The following ADAMTSL1 variants were observed in gnomAD, a reference collection of about 807,000 sequenced individuals.
ADAMTSL1 encodes ADAMTS-like protein 1.
In ADAMTSL1, 126 loss-of-function variants were observed where a neutral mutation model predicts 201.8. The ratio of observed to expected loss-of-function variants is 0.62; its 90% CI spans 0.54 to 0.72. The LOEUF (loss-of-function observed/expected upper bound fraction) is 0.72. ADAMTSL1 is among the 30% of genes least tolerant of loss of function. The pLI, the probability that ADAMTSL1 is intolerant of heterozygous loss-of-function variation, is 0.00. For missense variants in ADAMTSL1, 2,679 were observed against 2,277.8 expected (o/e 1.18, Z -3.59); for synonymous variants, 1,121 against 903.4 (o/e 1.24, Z -4.32).
At chr9:18,800,073 C>T (rs1428070743) in intron 20 of ADAMTSL1, among the ~76,000 whole-genome samples, 2 of 152,060 alleles carry the variant, frequency 1.3e-5, no homozygotes, top group Admixed American at 1.3e-4. Context: ...TGCTCCCATG[C>T]ACTAGATCAA....
At chr9:18,592,930 A>G (rs1824019597) in intron 4 of ADAMTSL1, among the ~76,000 whole-genome samples, 3 of 151,882 alleles carry the variant, frequency 2.0e-5, no homozygotes. Flanking sequence ...TCATAGAGAT[A>G]TTTCACTTCT....
rs139869437 is a variant in ADAMTSL1, at chr9:18,560,023, G to A, written c.238-14007G>A. On this transcript the variant is annotated intron_variant, in intron 3 of 28. Transcript: ENST00000380548. ...ATTTCTTTCTCTTGCCTGATTGCCC[G>A]GGCCAGAACTTCCAATATTATGTTG... Among the ~76,000 whole-genome samples, 185 of 151,982 alleles carry A rather than the reference G, an allele frequency of 1.2e-3. No individual in the cohort carries two copies. The East Asian group carries it at 0.015, about 12-fold the overall frequency.
At chr9:18,009,646 T>A (rs1414315401) in intron 1 of ADAMTSL1, among the ~76,000 whole-genome samples, 1 of 152,030 alleles carries the variant, frequency 6.6e-6, no homozygotes, top group Non-Finnish European at 1.5e-5. Flanking sequence ...GTTTTCTGGA[T>A]AAGAACAATA....
chr9:17,908,138 C>G (rs780830856), intron 1 of ADAMTSL1, among the ~76,000 whole-genome samples: 7 of 152,146 alleles, frequency 4.6e-5, no homozygotes, highest in Non-Finnish European at 8.8e-5. Flanking sequence ...TTACTCTCAT[C>G]AGTAGTAGAA....
chr9:18,832,089 GC>G (rs1238006449), intron 23 of ADAMTSL1, among the ~76,000 whole-genome samples: 1 of 152,190 alleles, frequency 6.6e-6, no homozygotes, highest in East Asian at 1.9e-4. Context: ...CTGATGACAG[GC>G]AGCTAAACTG....
At chr9:18,633,531 G>C (rs1826911146) in intron 5 of ADAMTSL1, among the ~76,000 whole-genome samples, 1 of 151,910 alleles carries the variant, frequency 6.6e-6, no homozygotes, top group African/African-American at 2.4e-5. Context: ...GGAGGTTGCA[G>C]TGAGTCAAGA....
chr9:18,198,278 A>G (rs1829276407), intron 2 of ADAMTSL1, among the ~76,000 whole-genome samples: 1 of 150,682 alleles, frequency 6.6e-6, no homozygotes, highest in Non-Finnish European at 1.5e-5. Flanking sequence ...TAAACTAAAG[A>G]GCTTCTGCAC....
At chr9:18,128,311 A>G (rs1188030563) in intron 1 of ADAMTSL1, among the ~76,000 whole-genome samples, 3 of 152,190 alleles carry the variant, frequency 2.0e-5, no homozygotes, top group Non-Finnish European at 4.4e-5. Flanking sequence ...AGCACCAATG[A>G]TAGTATTTCT....
rs533619574 is a variant in ADAMTSL1, at chr9:18,844,727, C to T, written c.4249+14750C>T. On this transcript the variant is annotated intron_variant, in intron 23 of 28. Coordinates refer to ENST00000380548, the MANE Select transcript of ADAMTSL1 (RefSeq NM_001040272.6). ...TTCCTGGCTGCTTTGTTTACCTAAG[C>T]AAGCCTGGGCAATGGCGGGCGCCCC... 2.5e-3 allele frequency among the ~76,000 whole-genome samples: 383 copies of T among 152,366 alleles called. 2 individuals carry two copies. Among genetic ancestry groups the T allele is most frequent in the African/African-American group, 8.9e-3 (372 of 41,590 alleles).
At chr9:17,963,515 C>A (rs757757768) in intron 1 of ADAMTSL1, among the ~76,000 whole-genome samples, 1 of 152,150 alleles carries the variant, frequency 6.6e-6, no homozygotes, top group Admixed American at 6.5e-5. Flanking sequence ...AACAGTATTC[C>A]GTATGAAAAA....
chr9:18,877,463 C>T (rs919024459), intron 23 of ADAMTSL1, among the ~76,000 whole-genome samples: 4 of 152,178 alleles, frequency 2.6e-5, no homozygotes, highest in Admixed American at 6.5e-5. Context: ...AGGGATGGGG[C>T]TTTCTGGGAG....
At chr9:18,136,856 C>G (rs1340974129) in intron 1 of ADAMTSL1, among the ~76,000 whole-genome samples, 1 of 152,024 alleles carries the variant, frequency 6.6e-6, no homozygotes, top group Non-Finnish European at 1.5e-5. Context: ...CAAAGGCTGC[C>G]TTTTAAAACA....
intron 1 of ADAMTSL1, among the ~76,000 whole-genome samples, chr9:17,997,683 G>A (rs1220371007): frequency 6.6e-6 from 1 of 151,566 alleles, no homozygotes; most frequent in Non-Finnish European, 1.5e-5. Context: ...TCTGCACGGG[G>A]AAAAAAAAGA....
intron 16 of ADAMTSL1, among the ~76,000 whole-genome samples, chr9:18,755,579 C>T (rs546424627): frequency 2.4e-4 from 37 of 152,262 alleles, no homozygotes; most frequent in Middle Eastern, 6.8e-3. Flanking sequence ...ATGACATTGA[C>T]TCATGATGCT....
chr9:18,908,426 C>T lies in ADAMTSL1; in HGVS notation c.5183-16C>T, dbSNP rs774224801. On this transcript the variant is annotated splice_polypyrimidine_tract_variant and intron_variant, in intron 28 of 28. Coordinates refer to ENST00000380548, the MANE Select transcript of ADAMTSL1 (RefSeq NM_001040272.6). ...TCTTTTCTGTCTCCTCTCCCGACCC[C>T]GTCCTCCTTTCCCAGTGGAGTGCAG... 19 of 1,548,596 alleles carry T rather than the reference C, an allele frequency of 1.2e-5. No homozygotes were observed. The highest frequency in any genetic ancestry group is 2.0e-5 in the Admixed American group (1 of 51,078).
intron 1 of ADAMTSL1, among the ~76,000 whole-genome samples, chr9:18,022,260 C>T (rs1820508610): frequency 6.6e-6 from 1 of 152,146 alleles, no homozygotes; most frequent in Non-Finnish European, 1.5e-5. Context: ...CTCATGTTGA[C>T]CTTAGGGAAG....
At chr9:17,984,150 T>A (rs1425802156) in intron 1 of ADAMTSL1, among the ~76,000 whole-genome samples, 1 of 152,150 alleles carries the variant, frequency 6.6e-6, no homozygotes, top group Non-Finnish European at 1.5e-5. Flanking sequence ...ACTTTAGCAA[T>A]TAGCAGATTC....
Position 18,612,761 on chromosome 9 carries a change from A to G in ADAMTSL1, c.475-9482A>G, listed in dbSNP as rs187874263. Among the ~76,000 whole-genome samples, 406 of 152,308 alleles carry G rather than the reference A, an allele frequency of 2.7e-3. 4 individuals carry two copies. The highest frequency in any genetic ancestry group is 1.7e-3 in the Non-Finnish European group (119 of 68,022). ...ACTTAAGTGTAAAACCTAAAACTAT[A>G]AAAATCCTGGAAGACAATGTAGGCA... On this transcript the variant is annotated intron_variant, in intron 4 of 28. Transcript: ENST00000380548.
rs542676499 is a variant in ADAMTSL1 at position 18,418,199 on chromosome 9, T to G, written c.208-86630T>G. Reference sequence around the variant, plus strand: ...GGAAAAGAAGGGAGTTTCTTCTAACTGATAAAGAGTATCTGCTAAAAAACC... The same window carrying G: ...GGAAAAGAAGGGAGTTTCTTCTAACGGATAAAGAGTATCTGCTAAAAAACC... On this transcript the variant is annotated intron_variant, in intron 2 of 29. Coordinates refer to the ADAMTSL1 transcript ENST00000680146. 1.9e-3 allele frequency among the ~76,000 whole-genome samples: 293 copies of G among 152,308 alleles called. 2 individuals carry two copies. Among genetic ancestry groups the G allele is most frequent in the Middle Eastern group, 3.4e-3 (1 of 294 alleles).
Sources: gnomAD v4.1 joint callset for allele counts (sites outside exome capture counted in the v4.1 genomes callset) on GRCh38, gnomAD v4.1.1 for gene constraint, MANE v1.5 for transcripts, NCBI Gene and HGNC (gene_info 2026-07-23, HGNC 2026-07-21) for gene names.